The following MKRN2 variants were observed in gnomAD, a reference collection of about 807,000 sequenced individuals.
The protein encoded by MKRN2 is makorin ring finger protein 2, also known as E3 ubiquitin-protein ligase makorin-2.
MKRN2 carries 32 observed loss-of-function variants against 45.4 expected under a neutral mutation model. That is an observed-to-expected ratio of 0.70 (90% CI 0.53 to 0.95). MKRN2 has a LOEUF of 0.95. Among genes scored for constraint, MKRN2 ranks in the 40% least tolerant of loss-of-function variants. MKRN2 has a pLI of 0.00. For synonymous variants in MKRN2, 206 were observed against 192.4 expected (o/e 1.07, Z -0.59); for missense variants, 526 against 536.7 (o/e 0.98, Z 0.20).
At position 12,557,088 on chromosome 3, in the gene MKRN2, A is replaced by C. The variant is rs962443210; in HGVS notation, c.-63A>C. The stretch of plus-strand genomic sequence containing the variant: ...CGCGGGATGGGCCGGGCCAGGGCCA[A>C]GGCCGAGGCGGCAGCGGCTGCGAGA... On this transcript the variant is annotated 5_prime_UTR_variant, in exon 1 of 8. Transcript: ENST00000170447. 1.6e-5 allele frequency: 23 copies of C among 1,466,204 alleles called. No individual in the cohort carries two copies. The highest frequency in any genetic ancestry group is 1.7e-5 in the Non-Finnish European group (19 of 1,109,316). 90.8% of individuals were successfully genotyped at this position (1,466,204 alleles called of 1,614,324 possible).
At position 12,574,930 on chromosome 3, in the gene MKRN2, A is replaced by G; in HGVS notation, c.781A>G (p.Asn261Asp). 2.5e-6 allele frequency: 4 copies of G among 1,614,254 alleles called. No individual in the cohort carries two copies. The highest frequency in any genetic ancestry group is 2.2e-5 in the South Asian group (2 of 91,090). ...TGAGAGGAGATTTGGGATTCTCTCC[A>G]ATTGCAATCACACGTACTGTTTGTC... ...ASERRFGILS[N>D]CNHTYCLSCI... The change falls in exon 5 of 8, where the codon AAT becomes GAT. Residue 261 changes from asparagine to aspartate, a missense_variant. Asn to Asp is a conservative substitution (Grantham distance 23, BLOSUM62 1). Coordinates refer to ENST00000170447, the MANE Select transcript of MKRN2 (RefSeq NM_014160.5).
Position 12,576,686 on chromosome 3 carries a change from G to T in MKRN2, c.913G>T (p.Val305Leu). 6.2e-7 allele frequency: 1 copy of T among 1,610,904 alleles called. No homozygotes were observed. ...GTTTGTAATTCCAAGTGTGTATTGGGTGGAAGATCAGAATAAAAAGAACGA... is the reference window on the plus strand; with the variant it reads ...GTTTGTAATTCCAAGTGTGTATTGGTTGGAAGATCAGAATAAAAAGAACGA... ...SEFVIPSVYW[V>L]EDQNKKNELI... Residue 305 changes from valine (V) to leucine (L), a missense_variant, in exon 6 of 8, where the codon GTG becomes TTG. Val to Leu is a conservative substitution (Grantham distance 32). Coordinates refer to ENST00000170447, the MANE Select transcript of MKRN2 (RefSeq NM_014160.5).
At chr3:12,566,140 C>T (rs918784434) in intron 1 of MKRN2, among the ~76,000 whole-genome samples, 3 of 152,178 alleles carry the variant, frequency 2.0e-5, no homozygotes, top group Non-Finnish European at 4.4e-5. Flanking sequence ...GGGCATGAGC[C>T]TCTGAGCCCA....
chr3:12,558,879 T>C (rs1019585519), intron 1 of MKRN2, among the ~76,000 whole-genome samples: 1 of 152,196 alleles, frequency 6.6e-6, no homozygotes, highest in Non-Finnish European at 1.5e-5. Flanking sequence ...GGTACTGTAG[T>C]GTATAATCCA....
chr3:12,582,027 A>G, intron 7 of MKRN2, 75 bp downstream of exon 7: 1 of 1,608,918 alleles, frequency 6.2e-7, no homozygotes. Flanking sequence ...CCTGGCAGAG[A>G]AATGGGGTAG....
intron 6 of MKRN2, among the ~76,000 whole-genome samples, chr3:12,578,691 G>A (rs78476829): frequency 2.0e-3 from 307 of 152,156 alleles, no homozygotes; most frequent in African/African-American, 6.8e-3. Context: ...ATCTAACTGC[G>A]TTTGTTCATT....
rs760372139 is a variant in MKRN2 at position 12,572,202 on chromosome 3, C to A, written c.471C>A (p.Asp157Glu). 12 of 1,613,984 alleles carry A rather than the reference C, an allele frequency of 7.4e-6. No homozygotes were observed. The highest frequency in any genetic ancestry group is 6.7e-5 in the East Asian group (3 of 44,856). Reference protein sequence around the residue: ...YLDAIRSGLDDVEASSSYSNE... With the variant: ...YLDAIRSGLDEVEASSSYSNE... ...ATGCCATCAGGAGTGGCCTTGATGA[C>A]GTGGAGGCCAGCAGCTCCTACAGCA... Residue 157 changes from aspartate to glutamate, a missense_variant, in exon 4 of 8, where the codon GAC (aspartate) becomes GAA (glutamate). Transcript: ENST00000170447.
intron 1 of MKRN2, among the ~76,000 whole-genome samples, chr3:12,566,015 G>C (rs1031276374): frequency 6.6e-6 from 1 of 151,852 alleles, no homozygotes; most frequent in African/African-American, 2.4e-5. Context: ...CATCATGCAC[G>C]GCTGATTTTT....
intron 6 of MKRN2, among the ~76,000 whole-genome samples, chr3:12,581,046 T>C (rs2058175097): frequency 6.6e-6 from 1 of 152,152 alleles, no homozygotes; most frequent in Admixed American, 6.5e-5. Flanking sequence ...TATGATTGGA[T>C]AAACCAGAGT....
At chr3:12,557,430 G>A (rs1218587259) in intron 1 of MKRN2, among the ~76,000 whole-genome samples, 1 of 152,270 alleles carries the variant, frequency 6.6e-6, no homozygotes, top group Non-Finnish European at 1.5e-5. Flanking sequence ...GCCCCTGTGG[G>A]CTGGGAGGAA....
In MKRN2 at chr3:12,582,750, A is replaced by T. The variant is rs1214794027; in HGVS notation, c.*497A>T. 6.4e-6 allele frequency: 1 copy of T among 155,162 alleles called. No homozygotes were observed. Among genetic ancestry groups the T allele is most frequent in the Non-Finnish European group, 1.4e-5 (1 of 69,792 alleles). The allele number at this position is 155,162 out of a possible 1,614,324, so 9.6% of individuals were successfully genotyped here. The stretch of plus-strand genomic sequence containing the variant: ...CAGAGCTTTCAAGAACACACAATGC[A>T]AAGTGAGCGCAGCATAGCTGTTAAC... On this transcript the variant is annotated 3_prime_UTR_variant, in exon 8 of 8. Coordinates refer to ENST00000170447, the MANE Select transcript of MKRN2 (RefSeq NM_014160.5).
At chr3:12,568,207 G>C (rs1575518651) in intron 1 of MKRN2, among the ~76,000 whole-genome samples, 1 of 152,232 alleles carries the variant, frequency 6.6e-6, no homozygotes. Context: ...AGAATCGCTT[G>C]AACCCGGAAG....
chr3:12,561,954 T>G (rs2058039538), intron 1 of MKRN2, among the ~76,000 whole-genome samples: 1 of 152,126 alleles, frequency 6.6e-6, no homozygotes, highest in African/African-American at 2.4e-5. Context: ...CTAGGACAAG[T>G]GGGTCCCAGT....
In MKRN2 at chr3:12,583,670, C is replaced by T. The variant is rs1166338564; in HGVS notation, c.*1417C>T. On this transcript the variant is annotated 3_prime_UTR_variant, in exon 8 of 8. Transcript: ENST00000170447. Reference sequence around the variant, plus strand: ...GGACCATCAGATAACTGTATTTTGTCAGGTGCAATAAAAACAAAATTAAAA... The same window carrying T: ...GGACCATCAGATAACTGTATTTTGTTAGGTGCAATAAAAACAAAATTAAAA... 4.3e-6 allele frequency: 1 copy of T among 233,150 alleles called. No homozygotes were observed. The highest frequency in any genetic ancestry group is 8.5e-6 in the Non-Finnish European group (1 of 117,986). 14.4% of individuals were successfully genotyped at this position (233,150 alleles called of 1,614,324 possible).
intron 1 of MKRN2, among the ~76,000 whole-genome samples, chr3:12,563,530 G>A (rs1186224018): frequency 2.3e-5 from 3 of 130,976 alleles, no homozygotes; most frequent in Non-Finnish European, 4.6e-5. Context: ...TCACTCTGTC[G>A]CCAGGCTGGA....
At chr3:12,579,503 A>G (rs1190777867) in intron 6 of MKRN2, among the ~76,000 whole-genome samples, 1 of 152,178 alleles carries the variant, frequency 6.6e-6, no homozygotes, top group Non-Finnish European at 1.5e-5. Flanking sequence ...CAAAAGGGCA[A>G]TTATGATACA....
Position 12,583,104 on chromosome 3 carries a change from ACTC to A in MKRN2, c.*852_*854del, listed in dbSNP as rs1322728523. ...ACGTGCACTTACATGTGTGGTTCGT[ACTC>A]AAGTGATCTATTATCTAGCTGCAAA... On this transcript the variant is annotated 3_prime_UTR_variant, in exon 8 of 8. Transcript: ENST00000170447. 4.6e-5 allele frequency: 7 copies of A among 152,306 alleles called. No individual in the cohort carries two copies. The East Asian group carries it at 1.4e-3, about 29-fold the overall frequency. The allele number at this position is 152,306 out of a possible 1,614,324, so 9.4% of individuals were successfully genotyped here.
chr3:12,574,746 C>T, intron 4 of MKRN2, 46 bp from the exon 5 acceptor site: 1 of 1,534,296 alleles, frequency 6.5e-7, no homozygotes, highest in South Asian at 1.1e-5. Flanking sequence ...TCCTGCCACT[C>T]CTCAGTGGCC....
intron 3 of MKRN2, among the ~76,000 whole-genome samples, chr3:12,571,452 T>C (rs570801525): frequency 6.6e-6 from 1 of 152,212 alleles, no homozygotes; most frequent in South Asian, 2.1e-4. Context: ...GGTGAAGAGA[T>C]TTCTAGTTCT....
Sources: allele counts gnomAD v4.1 joint callset (sites outside exome capture counted in the v4.1 genomes callset), GRCh38; gene constraint gnomAD v4.1.1; transcripts MANE v1.5; gene names NCBI Gene and HGNC (gene_info 2026-07-23, HGNC 2026-07-21).